TASOR: variants seen among roughly 807,000 people sequenced by gnomAD.
TASOR encodes protein TASOR.
Under a neutral mutation model 178.6 loss-of-function variants are expected in TASOR, and 53 were observed. The observed-to-expected ratio is 0.30, with a 90% CI of 0.24 to 0.37. The LOEUF (loss-of-function observed/expected upper bound fraction) is 0.37. Among genes scored for constraint, TASOR ranks in the 10% least tolerant of loss-of-function variants. The probability of loss-of-function intolerance (pLI) is 1.00; values close to 1 mark genes in which losing one functional copy is unlikely to be tolerated. For missense variants in TASOR, 1,815 were observed against 1,971.4 expected (o/e 0.92, Z 1.50); for synonymous variants, 713 against 696.2 (o/e 1.02, Z -0.38).
chr3:56,650,196 G>A (rs34349699), intron 11 of TASOR, among the ~76,000 whole-genome samples: 4,859 of 152,276 alleles, frequency 0.032, 108 homozygotes, highest in Middle Eastern at 0.078. Flanking sequence ...AAGAAAACTC[G>A]TACTACCTAA....
intron 2 of TASOR, 61 bp from the exon 3 acceptor site, chr3:56,671,753 G>T: frequency 7.6e-7 from 1 of 1,311,720 alleles, no homozygotes; most frequent in Non-Finnish European, 1.0e-6. Context: ...CAAGCTACAA[G>T]TTTTATTTTT....
intron 1 of TASOR, among the ~76,000 whole-genome samples, chr3:56,678,348 AT>A (rs1191968883): frequency 6.6e-6 from 1 of 151,318 alleles, no homozygotes; most frequent in African/African-American, 2.4e-5. Flanking sequence ...GGCCCAGCTA[AT>A]TTTTTGTATT....
At chr3:56,662,322 A>C (rs2077616023) in intron 9 of TASOR, 63 bp downstream of exon 9, 3 of 824,488 alleles carry the variant, frequency 3.6e-6, no homozygotes, top group African/African-American at 1.8e-5. Flanking sequence ...AAAAGAAATA[A>C]GGAAAAAGGC....
chr3:56,670,402 G>A (rs1018473901), intron 3 of TASOR, among the ~76,000 whole-genome samples: 5 of 152,004 alleles, frequency 3.3e-5, no homozygotes, highest in Admixed American at 1.3e-4. Context: ...TGCCCTCTAG[G>A]CTGGAGTGCA....
chr3:56,620,572 C>G lies in TASOR; in HGVS notation c.*2465G>C, dbSNP rs1045926. 0.32 allele frequency: 49,352 copies of G among 152,034 alleles called. 8,492 individuals carry two copies. Among genetic ancestry groups the G allele is most frequent in the East Asian group, 0.49 (2,517 of 5,182 alleles). 9.4% of individuals were successfully genotyped at this position (152,034 alleles called of 1,614,324 possible). On this transcript the variant is annotated 3_prime_UTR_variant, in exon 24 of 24. Coordinates refer to ENST00000683822, the MANE Select transcript of TASOR (RefSeq NM_001365635.2). Reference sequence around the variant, plus strand: ...TCATGTACCAATACCCTCTGCATTTCAAAATGTTGACTCAGATGTTTTTCC... The same window carrying G: ...TCATGTACCAATACCCTCTGCATTTGAAAATGTTGACTCAGATGTTTTTCC...
At chr3:56,648,582 G>A (rs900439765) in intron 13 of TASOR, among the ~76,000 whole-genome samples, 1 of 139,520 alleles carries the variant, frequency 7.2e-6, no homozygotes, top group Admixed American at 7.7e-5. Context: ...AGTGAGCTGA[G>A]ATCGCGCCCC....
At chr3:56,631,944 T>C (rs895188546) in intron 18 of TASOR, among the ~76,000 whole-genome samples, 1 of 152,068 alleles carries the variant, frequency 6.6e-6, no homozygotes, top group Non-Finnish European at 1.5e-5. Context: ...GTAGAAAAAA[T>C]ACACCTCACA....
At chr3:56,671,807 C>CT in intron 2 of TASOR, 115 bp from the exon 3 acceptor site, 2 of 703,288 alleles carry the variant, frequency 2.8e-6, no homozygotes, top group Non-Finnish European at 4.7e-6. Flanking sequence ...AAAATAATCT[C>CT]TATCTCTCTA....
intron 8 of TASOR, 134 bp downstream of exon 8, chr3:56,663,407 C>T (rs1056589403): frequency 1.9e-5 from 8 of 425,146 alleles, no homozygotes; most frequent in Non-Finnish European, 1.8e-5. Context: ...CAACCAAATG[C>T]GCTGATGCTA....
chr3:56,623,857 G>GT, intron 23 of TASOR: 1 of 1,543,978 alleles, frequency 6.5e-7, no homozygotes, highest in Non-Finnish European at 8.7e-7. Flanking sequence ...AAGTTATACG[G>GT]TAATTCAGTA....
In TASOR at chr3:56,624,981, A is replaced by G. The variant is rs894714009; in HGVS notation, c.4165T>C (p.Leu1389=). The G allele has an allele frequency of 9.9e-6, 16 of 1,614,044 alleles. No individual in the cohort carries two copies. The highest frequency in any genetic ancestry group is 2.7e-5 in the African/African-American group (2 of 74,938). The change falls in exon 22 of 24, where the codon TTG becomes CTG. Residue 1389 remains leucine (L), a synonymous_variant. Coordinates refer to ENST00000683822, the MANE Select transcript of TASOR (RefSeq NM_001365635.2). ...TTCTGATAGACATTCAGAAGCGTCAACAGACTTAGAGCTTTAGCATTCAAT... is the reference window on the plus strand; with the variant it reads ...TTCTGATAGACATTCAGAAGCGTCAGCAGACTTAGAGCTTTAGCATTCAAT... The part of the protein sequence containing the change: ...GRLNAKALSL[L]TLLNVYQKKH...
intron 1 of TASOR, among the ~76,000 whole-genome samples, chr3:56,679,413 A>G (rs2031601288): frequency 6.6e-6 from 1 of 152,226 alleles, no homozygotes; most frequent in African/African-American, 2.4e-5. Context: ...TACCTTGATT[A>G]CTTTGCTATT....
chr3:56,657,158 T>C (rs190416594), intron 11 of TASOR, among the ~76,000 whole-genome samples: 1 of 151,240 alleles, frequency 6.6e-6, no homozygotes, highest in Admixed American at 6.6e-5. Flanking sequence ...TGAAACCCCA[T>C]CTCTACTAAG....
intron 7 of TASOR, among the ~76,000 whole-genome samples, chr3:56,665,350 TTTGTTG>T (rs758949224): frequency 6.6e-6 from 1 of 152,016 alleles, no homozygotes; most frequent in Non-Finnish European, 1.5e-5. Flanking sequence ...ATCTCACTTT[TTTGTTG>T]TTGTTGTTGT....
At position 56,682,819 on chromosome 3, in the gene TASOR, G is replaced by A. The variant is rs1222530450; in HGVS notation, c.188C>T (p.Ala63Val). The change falls in exon 1 of 24, where the codon GCC becomes GTC. Residue 63 changes from alanine (A) to valine (V), a missense_variant. Around this residue, in one of 5 missense-constraint regions of TASOR, gnomAD observed 244 missense variants for 202.7 expected, o/e 1.20. Transcript: ENST00000683822. Reference protein sequence around the residue: ...GGAGREENAGAEAAQSLSHEQ... With the variant: ...GGAGREENAGVEAAQSLSHEQ... The stretch of plus-strand genomic sequence containing the variant: ...GTGGCTGAGGCTCTGGGCGGCCTCG[G>A]CCCCCGCGTTCTCCTCACGCCCAGC... 6 of 1,550,230 alleles carry A rather than the reference G, an allele frequency of 3.9e-6. No homozygotes were observed. In the African/African-American group the frequency reaches 4.1e-5, roughly 11 times the overall value.
intron 14 of TASOR, among the ~76,000 whole-genome samples, chr3:56,642,763 A>G (rs1241566787): frequency 6.6e-6 from 1 of 152,084 alleles, no homozygotes; most frequent in African/African-American, 2.4e-5. Context: ...TCACAAGGTC[A>G]GGAGATCGAG....
At chr3:56,624,701 G>T in intron 22 of TASOR, 58 bp from the exon 23 acceptor site, 1 of 1,551,320 alleles carries the variant, frequency 6.4e-7, no homozygotes, top group Non-Finnish European at 8.8e-7. Context: ...ACAGCCCCTA[G>T]CCCTCACAAA....
At chr3:56,631,564 G>GTGTGTGTC (rs2076912341) in intron 18 of TASOR, among the ~76,000 whole-genome samples, 1 of 146,850 alleles carries the variant, frequency 6.8e-6, no homozygotes. Context: ...AGGCGTGTGT[G>GTGTGTGTC]TGTGTGTCTG....
At position 56,646,583 on chromosome 3, in the gene TASOR, A is replaced by T; in HGVS notation, c.2154T>A (p.Pro718=). 6.2e-7 allele frequency: 1 copy of T among 1,611,754 alleles called. No homozygotes were observed. Residue 718 remains proline (P), a synonymous_variant, in exon 14 of 24, where the codon CCT becomes CCA. Transcript: ENST00000683822. The stretch of plus-strand genomic sequence containing the variant: ...TTTTGGCGAGCTTTCTCATATTTTC[A>T]GGTAGATCCTCAAGCTTCCTCTTCA... ...TVLKRKLEDL[P]ENMRKLAKTS...
Sources: allele counts gnomAD v4.1 joint callset (sites outside exome capture counted in the v4.1 genomes callset), GRCh38; gene constraint gnomAD v4.1.1; regional missense constraint gnomAD v4.1.1; transcripts MANE v1.5; gene names NCBI Gene and HGNC (gene_info 2026-07-23, HGNC 2026-07-21).